The following POLE variants were observed in gnomAD, a reference collection of about 807,000 sequenced individuals.
The protein encoded by POLE is DNA polymerase epsilon catalytic subunit A.
In POLE, 188 loss-of-function variants were observed where a neutral mutation model predicts 279.2. The observed-to-expected ratio is 0.67, with a 90% CI of 0.60 to 0.76. POLE has a LOEUF of 0.76. Among genes scored for constraint, POLE ranks in the 30% least tolerant of loss-of-function variants. The pLI, the probability that POLE is intolerant of heterozygous loss-of-function variation, is 0.00. For missense variants in POLE, 2,703 were observed against 3,016.7 expected (o/e 0.90, Z 2.44); for synonymous variants, 1,214 against 1,172.5 (o/e 1.04, Z -0.72).
rs1013082648 is a variant in POLE, at chr12:132,664,428, C to T, written c.2503G>A (p.Val835Ile). The T allele has an allele frequency of 2.5e-6, 4 of 1,614,066 alleles. No individual in the cohort carries two copies. Among genetic ancestry groups the T allele is most frequent in the Non-Finnish European group, 3.4e-6 (4 of 1,180,036 alleles). The change falls in exon 22 of 49, where the codon GTC (valine) becomes ATC (isoleucine). Residue 835 changes from valine to isoleucine, a missense_variant. Around this residue, in one of 5 missense-constraint regions of POLE, gnomAD observed 21 missense variants for 51.9 expected, o/e 0.40. Coordinates refer to ENST00000320574, the MANE Select transcript of POLE (RefSeq NM_006231.4). The surrounding 1 kb of genome is among the most constrained non-coding windows in gnomAD (Gnocchi z 5.3). The part of the protein sequence containing the change: ...RWYSMEMAGI[V>I]CFTGANIITQ... ...ATGATGTTGGCCCCTGTGAAGCAGACGATGCCAGCCATCTCCATGGAGTAC... is the reference window on the plus strand; with the variant it reads ...ATGATGTTGGCCCCTGTGAAGCAGATGATGCCAGCCATCTCCATGGAGTAC...
intron 21 of POLE, 87 bp downstream of exon 21, chr12:132,665,215 A>G (rs1230263180): frequency 2.2e-6 from 3 of 1,364,100 alleles, no homozygotes; most frequent in Non-Finnish European, 3.1e-6. Flanking sequence ...ACGGCCCTCC[A>G]TGCACAGCAG....
intron 16 of POLE, among the ~76,000 whole-genome samples, chr12:132,669,456 C>A (rs2042874578): frequency 6.6e-6 from 1 of 151,496 alleles, no homozygotes. Flanking sequence ...AGAGCCAGAT[C>A]CTGTTTCAGA....
intron 45 of POLE, among the ~76,000 whole-genome samples, chr12:132,628,194 T>C (rs1365907631): frequency 6.6e-6 from 1 of 151,600 alleles, no homozygotes; most frequent in Non-Finnish European, 1.5e-5. Flanking sequence ...ATACGAAAAT[T>C]AGCCAGGTGT....
rs182246004 is a variant in POLE at position 132,638,200 on chromosome 12, C to T, written c.5553-61G>A. 253 of 1,532,638 alleles carry T rather than the reference C, an allele frequency of 1.7e-4. 3 individuals are homozygous for T. The East Asian group carries it at 5.4e-3, about 33-fold the overall frequency. 94.9% of individuals were successfully genotyped at this position (1,532,638 alleles called of 1,614,324 possible). A position where few individuals can be genotyped will look rare whatever the true frequency, so the allele number is the denominator to read the frequency against. On this transcript the variant is annotated intron_variant, in intron 40 of 48. Transcript: ENST00000320574. ...CACAGTCATGGAGAGCCAGAGGGCA[C>T]CCAGAAAATCCAAGAGGGAAAAGAG... is the stretch of plus-strand genomic sequence containing the variant.
chr12:132,643,947 C>T lies in POLE; in HGVS notation c.4180G>A (p.Val1394Ile), dbSNP rs559773751. The T allele has an allele frequency of 2.5e-6, 4 of 1,613,882 alleles. No individual in the cohort carries two copies. In the South Asian group the frequency reaches 3.3e-5, roughly 13 times the overall value. ...VNRVLPRSNM[V>I]YNLYEYSVPE... ...ACTGAATACTCATAGAGATTGTAGA[C>T]CATGTTGGAGCGAGGAAGGACCCGA... Residue 1394 changes from valine (V) to isoleucine (I), a missense_variant, in exon 33 of 49, where the codon GTC becomes ATC. Around this residue, in one of 5 missense-constraint regions of POLE, gnomAD observed 1,551 missense variants for 1,686.1 expected, o/e 0.92. Transcript: ENST00000320574.
At chr12:132,663,324 CCCA>C (rs571344324) in intron 23 of POLE, among the ~76,000 whole-genome samples, 50 of 152,328 alleles carry the variant, frequency 3.3e-4, no homozygotes, top group African/African-American at 1.1e-3. Context: ...CTAAGCCGTC[CCCA>C]CAACACACCC....
At chr12:132,670,341 A>G (rs1593795927) in intron 16 of POLE, among the ~76,000 whole-genome samples, 1 of 150,622 alleles carries the variant, frequency 6.6e-6, no homozygotes, top group African/African-American at 2.4e-5. Context: ...ATGCCATTGC[A>G]CTCCAGCCTG....
In POLE at chr12:132,679,613, C is replaced by T. The variant is rs555774342; in HGVS notation, c.462G>A (p.Arg154=). ...GATCCTCCACAGTGTGGAAGGACAG[C>T]CTGATGTAATTTCGCTTCAAACCCA... is the stretch of plus-strand genomic sequence containing the variant. The part of the protein sequence containing the change: ...HLVGLKRNYI[R]LSFHTVEDLV... The change falls in exon 6 of 49, where the codon AGG becomes AGA. Residue 154 remains arginine (R), a synonymous_variant. Transcript: ENST00000320574. 3 of 1,612,916 alleles carry T rather than the reference C, an allele frequency of 1.9e-6. No homozygotes were observed. Among genetic ancestry groups the T allele is most frequent in the Non-Finnish European group, 2.5e-6 (3 of 1,179,036 alleles).
At position 132,643,567 on chromosome 12, in the gene POLE, G is replaced by T. The variant is rs1060504076; in HGVS notation, c.4291-7C>A. 21 of 1,613,982 alleles carry T rather than the reference G, an allele frequency of 1.3e-5. No individual in the cohort carries two copies. Among genetic ancestry groups the T allele is most frequent in the Non-Finnish European group, 1.7e-5 (20 of 1,180,002 alleles). On this transcript the variant is annotated splice_polypyrimidine_tract_variant and splice_region_variant and intron_variant, in intron 33 of 48. Coordinates refer to ENST00000320574, the MANE Select transcript of POLE (RefSeq NM_006231.4). ...CCCGGAACAGTAACGGAACCTGGAA[G>T]AATCGGGCAGACAGGCCGGCAAGGG...
At chr12:132,686,848 C>CA (rs1202704406) in intron 1 of POLE, among the ~76,000 whole-genome samples, 1 of 152,028 alleles carries the variant, frequency 6.6e-6, no homozygotes, top group Non-Finnish European at 1.5e-5. Flanking sequence ...GCTAGGCCCC[C>CA]AGGCAGGGTC....
chr12:132,676,764 G>A, intron 8 of POLE, 111 bp from the exon 9 acceptor site: 1 of 708,964 alleles, frequency 1.4e-6, no homozygotes, highest in Non-Finnish European at 2.5e-6. Context: ...AGAGTCAAAA[G>A]GCTCTAGAGC....
chr12:132,679,424 C>T, intron 6 of POLE, 73 bp downstream of exon 6: 1 of 1,439,546 alleles, frequency 6.9e-7, no homozygotes, highest in Non-Finnish European at 9.5e-7. Context: ...AACTTTGTTG[C>T]TACGTGTTCC....
At position 132,643,422 on chromosome 12, in the gene POLE, T is replaced by C. The variant is rs2138549845; in HGVS notation, c.4429A>G (p.Ser1477Gly). The change falls in exon 34 of 49, where the codon AGC (serine) becomes GGC (glycine). Residue 1477 changes from serine (S) to glycine (G), a missense_variant. Physicochemically the swap from Ser to Gly is moderately conservative, Grantham distance 56. This residue lies in a region of POLE where 1,551 missense variants were observed against 1,686.1 expected (regional missense o/e 0.92). Transcript: ENST00000320574. ...CAGGCCATACCTGGTTCCAGGTAGC[T>C]GAACTGGGCCAGAGAGCGCATCTCC... ...HLEMRSLAQF[S>G]YLEPGSIRHI... is the part of the protein sequence containing the mutation. 6.2e-7 allele frequency: 1 copy of C among 1,614,250 alleles called. No individual in the cohort carries two copies. The highest frequency in any genetic ancestry group is 2.2e-5 in the East Asian group (1 of 44,880).
At chr12:132,626,758 AT>A (rs1407270630) in intron 45 of POLE, among the ~76,000 whole-genome samples, 19 of 152,230 alleles carry the variant, frequency 1.2e-4, no homozygotes, top group African/African-American at 4.3e-4. Context: ...ACTCACATAG[AT>A]AAGGTTACTA....
rs1060500779 is a variant in POLE at position 132,667,561 on chromosome 12, TAGA to T, written c.2258_2260del (p.Phe753del). On this transcript the variant is annotated inframe_deletion, in exon 20 of 49. Coordinates refer to ENST00000320574, the MANE Select transcript of POLE (RefSeq NM_006231.4). ...CCGGAAGGCACGCACGGTGTCCACG[TAGA>T]AGGAGTTTTCCCGCTGGCAGATGGT... 5 of 1,613,620 alleles carry T rather than the reference TAGA, an allele frequency of 3.1e-6. No individual in the cohort carries two copies. Among genetic ancestry groups the T allele is most frequent in the Non-Finnish European group, 3.4e-6 (4 of 1,179,914 alleles).
chr12:132,648,760 C>G, intron 32 of POLE, 169 bp downstream of exon 32: 1 of 680,448 alleles, frequency 1.5e-6, no homozygotes, highest in Non-Finnish European at 2.4e-6. Flanking sequence ...TCCCGGCACT[C>G]GCTCTGCCCC....
In POLE at chr12:132,675,466, C is replaced by T. The variant is rs2136009028; in HGVS notation, c.1158G>A (p.Glu386=). Reference sequence around the variant, plus strand: ...CCTGGCTGTCCTTCTGGAAGCCTATCTCCTGCTGCATGCTCAGACCGTGGA... The same window carrying T: ...CCTGGCTGTCCTTCTGGAAGCCTATTTCCTGCTGCATGCTCAGACCGTGGA... ...AAVHGLSMQQ[E]IGFQKDSQGE... Residue 386 remains glutamate, a synonymous_variant, in exon 12 of 49, where the codon GAG becomes GAA. Transcript: ENST00000320574. The surrounding 1 kb of genome is among the most constrained non-coding windows in gnomAD (Gnocchi z 4.3). 4 of 1,614,198 alleles carry T rather than the reference C, an allele frequency of 2.5e-6. No homozygotes were observed. The highest frequency in any genetic ancestry group is 3.4e-6 in the Non-Finnish European group (4 of 1,180,032).
chr12:132,628,075 G>A (rs2041869245), intron 45 of POLE, among the ~76,000 whole-genome samples: 1 of 152,226 alleles, frequency 6.6e-6, no homozygotes, highest in Admixed American at 6.5e-5. Flanking sequence ...CAGGTGCGGT[G>A]GCTCACGCCT....
intron 32 of POLE, 78 bp from the exon 33 acceptor site, chr12:132,644,055 T>G: frequency 6.9e-7 from 1 of 1,441,880 alleles, no homozygotes; most frequent in Middle Eastern, 1.9e-4. Context: ...GCACACGCTA[T>G]TCGGAGTCCT....
Sources: allele counts gnomAD v4.1 joint callset (sites outside exome capture counted in the v4.1 genomes callset), GRCh38; gene constraint gnomAD v4.1.1; regional missense constraint gnomAD v4.1.1; non-coding constraint Gnocchi (gnomAD v3.1); transcripts MANE v1.5; gene names NCBI Gene and HGNC (gene_info 2026-07-23, HGNC 2026-07-21).